The following TRHDE variants were observed in gnomAD, a reference collection of about 807,000 sequenced individuals.
TRHDE encodes thyrotropin-releasing hormone-degrading ectoenzyme.
A neutral mutation model predicts 125.7 loss-of-function variants in TRHDE; 72 were observed. The observed-to-expected ratio is 0.57, with a 90% CI of 0.47 to 0.70. TRHDE has a LOEUF of 0.70. Among genes scored for constraint, TRHDE ranks in the 30% least tolerant of loss-of-function variants. The pLI, the probability that TRHDE is intolerant of heterozygous loss-of-function variation, is 0.00. For synonymous variants in TRHDE, 509 were observed against 509.1 expected (o/e 1.00, Z 0.00); for missense variants, 1,110 against 1,327.1 (o/e 0.84, Z 2.54).
At chr12:72,253,455 C>T (rs1473516849) in intron 2 of TRHDE, 2 of 152,048 alleles carry the variant, frequency 1.3e-5, no homozygotes, top group Non-Finnish European at 2.9e-5. Flanking sequence ...GCCTTGTTCC[C>T]TATCTTAGAG....
intron 12 of TRHDE, among the ~76,000 whole-genome samples, chr12:72,597,721 A>G (rs1243936892): frequency 5.5e-4 from 3 of 5,496 alleles, no homozygotes; most frequent in East Asian, 0.016. Flanking sequence ...ATGTATATAT[A>G]TATATATATA....
intron 1 of TRHDE, 135 bp from the exon 2 acceptor site, chr12:72,286,546 T>C: frequency 1.3e-6 from 1 of 760,354 alleles, no homozygotes; most frequent in South Asian, 1.9e-5. Flanking sequence ...ATGCTATTCA[T>C]GCACTTAAGT....
chr12:72,604,676 T>A (rs1244667680), intron 12 of TRHDE, among the ~76,000 whole-genome samples: 2 of 152,104 alleles, frequency 1.3e-5, no homozygotes, highest in Non-Finnish European at 2.9e-5. Context: ...ACTCACATTT[T>A]GGAATAATAT....
intron 2 of TRHDE, among the ~76,000 whole-genome samples, chr12:72,295,579 G>GT (rs1375491844): frequency 6.6e-6 from 1 of 152,098 alleles, no homozygotes; most frequent in Non-Finnish European, 1.5e-5. Flanking sequence ...TACAATGGTG[G>GT]TATGTATATA....
At chr12:72,337,451 T>C (rs1869878628) in intron 2 of TRHDE, among the ~76,000 whole-genome samples, 1 of 152,282 alleles carries the variant, frequency 6.6e-6, no homozygotes, top group East Asian at 1.9e-4. Flanking sequence ...GAGAAGTAAA[T>C]CTAAAACTTC....
At chr12:72,616,990 A>G (rs1872842132) in intron 12 of TRHDE, among the ~76,000 whole-genome samples, 1 of 152,120 alleles carries the variant, frequency 6.6e-6, no homozygotes, top group African/African-American at 2.4e-5. Context: ...AAATTGTATT[A>G]CTTTTTCAGG....
At chr12:72,343,204 A>G (rs953681720) in intron 2 of TRHDE, among the ~76,000 whole-genome samples, 7 of 152,038 alleles carry the variant, frequency 4.6e-5, no homozygotes, top group Admixed American at 3.3e-4. Flanking sequence ...TATGAGTACA[A>G]TTGTCCCTCA....
chr12:72,284,710 T>C (rs1879816554), intron 1 of TRHDE, among the ~76,000 whole-genome samples: 2 of 152,214 alleles, frequency 1.3e-5, no homozygotes, highest in South Asian at 4.1e-4. Flanking sequence ...TTGTGCAAGT[T>C]GTCTGTGTAA....
intron 2 of TRHDE, chr12:72,167,489 G>A (rs977584970): frequency 6.6e-6 from 1 of 152,132 alleles, no homozygotes; most frequent in African/African-American, 2.4e-5. Flanking sequence ...CAGATTATTT[G>A]CAGTATCCCA....
intron 2 of TRHDE, among the ~76,000 whole-genome samples, chr12:72,309,412 T>C (rs190682475): frequency 2.2e-4 from 33 of 152,142 alleles, no homozygotes; most frequent in Admixed American, 2.0e-3. Context: ...TTGAAACTAC[T>C]GGAAAGGTGA....
At chr12:72,606,020 TCTAA>T (rs1282553952) in intron 12 of TRHDE, among the ~76,000 whole-genome samples, 2 of 152,226 alleles carry the variant, frequency 1.3e-5, no homozygotes, top group South Asian at 2.1e-4. Context: ...AGGATATTTC[TCTAA>T]CTGATGGCTG....
rs1165793819 is a variant in TRHDE at position 72,615,034 on chromosome 12, G to GC, written c.2322-3856dup. Among the ~76,000 whole-genome samples the GC allele has an allele frequency of 5.9e-5, 9 of 152,256 alleles. No individual in the cohort carries two copies. In the East Asian group the frequency reaches 1.5e-3, roughly 26 times the overall value. The stretch of plus-strand genomic sequence containing the variant: ...GGGAGGGAAGGATATATGTGTGCAT[G>GC]CAGCAAGGGATGGGAGGAGCAGCTG... On this transcript the variant is annotated intron_variant, in intron 12 of 18. Coordinates refer to ENST00000261180, the MANE Select transcript of TRHDE (RefSeq NM_013381.3).
At chr12:72,436,398 G>C (rs1039203737) in intron 3 of TRHDE, among the ~76,000 whole-genome samples, 2 of 151,614 alleles carry the variant, frequency 1.3e-5, no homozygotes, top group Non-Finnish European at 3.0e-5. Context: ...TGTCCTGTTG[G>C]TTTTTAGACT....
At chr12:72,167,479 C>T (rs981271908) in intron 2 of TRHDE, 1 of 152,172 alleles carries the variant, frequency 6.6e-6, no homozygotes, top group Admixed American at 6.5e-5. Flanking sequence ...GACTACTAAA[C>T]AGATTATTTG....
chr12:72,620,958 TATA>T, intron 13 of TRHDE, 147 bp from the exon 14 acceptor site: 1 of 377,044 alleles, frequency 2.7e-6, no homozygotes, highest in South Asian at 6.2e-5. Context: ...TAAATAAAAT[TATA>T]ATAGAACATT....
intron 6 of TRHDE, among the ~76,000 whole-genome samples, chr12:72,509,378 C>G (rs982274597): frequency 6.6e-6 from 1 of 152,066 alleles, no homozygotes. Context: ...AGACCCCTGA[C>G]TCTTATTTTA....
chr12:72,337,033 G>C (rs1166683712), intron 2 of TRHDE, among the ~76,000 whole-genome samples: 1 of 152,186 alleles, frequency 6.6e-6, no homozygotes, highest in African/African-American at 2.4e-5. Context: ...TGTATTTTAA[G>C]GAAATTGCCA....
chr12:72,290,544 G>C (rs1880048016), intron 2 of TRHDE, among the ~76,000 whole-genome samples: 1 of 152,162 alleles, frequency 6.6e-6, no homozygotes, highest in African/African-American at 2.4e-5. Flanking sequence ...AATTTGGAAG[G>C]GCACAGTGGT....
intron 2 of TRHDE, among the ~76,000 whole-genome samples, chr12:72,313,804 T>C (rs554576432): frequency 6.6e-6 from 1 of 152,328 alleles, no homozygotes; most frequent in South Asian, 2.1e-4. Flanking sequence ...GCTAGAGATA[T>C]TGTCTCCCTC....
Sources: gnomAD v4.1 joint callset for allele counts (sites outside exome capture counted in the v4.1 genomes callset) on GRCh38, gnomAD v4.1.1 for gene constraint, MANE v1.5 for transcripts, NCBI Gene and HGNC (gene_info 2026-07-23, HGNC 2026-07-21) for gene names.